PTPN21: variants seen among roughly 807,000 people sequenced by gnomAD.
The protein encoded by PTPN21 is protein tyrosine phosphatase non-receptor type 21.
In PTPN21, 77 loss-of-function variants were observed where a neutral mutation model predicts 131.8. That is an observed-to-expected ratio of 0.58 (90% CI 0.49 to 0.71). PTPN21 has a LOEUF of 0.71. Ranked by LOEUF, PTPN21 falls within the 30% of genes least tolerant of loss-of-function variation. The pLI is 0.00. For synonymous variants in PTPN21, 715 were observed against 621.3 expected, an observed-to-expected ratio of 1.15 and a Z score of -2.24; for missense variants, 1,552 against 1,527.1, an observed-to-expected ratio of 1.02 and a Z score of -0.27.
At chr14:88,493,916 C>T (rs139488318) in intron 10 of PTPN21, among the ~76,000 whole-genome samples, 4 of 152,180 alleles carry the variant, frequency 2.6e-5, no homozygotes, top group Non-Finnish European at 5.9e-5. Flanking sequence ...TCATTAAGGC[C>T]GACAGTGAGC....
At chr14:88,526,644 ATAAAG>A (rs780555313) in intron 2 of PTPN21, among the ~76,000 whole-genome samples, 2 of 151,892 alleles carry the variant, frequency 1.3e-5, no homozygotes, top group Non-Finnish European at 2.9e-5. Context: ...AATATTCATA[ATAAAG>A]TAAATAATTT....
intron 10 of PTPN21, among the ~76,000 whole-genome samples, chr14:88,486,244 G>A (rs540084182): frequency 7.9e-5 from 12 of 152,294 alleles, no homozygotes; most frequent in African/African-American, 2.6e-4. Context: ...TCTCCTATGC[G>A]CTGGGGGAGC....
chr14:88,508,167 T>TA (rs2078125212), intron 3 of PTPN21, 147 bp from the exon 4 acceptor site: 2 of 504,940 alleles, frequency 4.0e-6, no homozygotes, highest in Non-Finnish European at 7.0e-6. Flanking sequence ...TTTTTTTTTT[T>TA]AGATAGGGTC....
At chr14:88,531,555 T>G (rs1008178631) in intron 2 of PTPN21, among the ~76,000 whole-genome samples, 1 of 151,834 alleles carries the variant, frequency 6.6e-6, no homozygotes, top group Non-Finnish European at 1.5e-5. Flanking sequence ...AGACTCCATC[T>G]CAAAAAAACA....
chr14:88,537,931 C>T (rs1395424013), intron 2 of PTPN21, among the ~76,000 whole-genome samples: 1 of 152,136 alleles, frequency 6.6e-6, no homozygotes, highest in East Asian at 1.9e-4. Flanking sequence ...TGTGTATCTA[C>T]ACTTATGTAA....
chr14:88,494,248 G>C (rs554261136), intron 10 of PTPN21, among the ~76,000 whole-genome samples: 1 of 152,090 alleles, frequency 6.6e-6, no homozygotes, highest in African/African-American at 2.4e-5. Context: ...GCATCCCCTA[G>C]GGTGAGGCAC....
At chr14:88,508,893 T>C (rs1281484620) in intron 3 of PTPN21, among the ~76,000 whole-genome samples, 1 of 152,206 alleles carries the variant, frequency 6.6e-6, no homozygotes, top group Non-Finnish European at 1.5e-5. Context: ...ACTTTCAATA[T>C]ATAGGGCATC....
At chr14:88,470,274 C>A in intron 15 of PTPN21, 1 of 550,806 alleles carries the variant, frequency 1.8e-6, no homozygotes, top group East Asian at 3.2e-5. Flanking sequence ...TGTGAATATA[C>A]ATAATATCTA....
intron 1 of PTPN21, chr14:88,551,853 T>A (rs1407128145): frequency 1.3e-5 from 2 of 152,294 alleles, no homozygotes; most frequent in African/African-American, 4.8e-5. Flanking sequence ...TAACAGTTTT[T>A]AACCAGACCT....
rs774651375 is a variant in PTPN21 at position 88,472,441 on chromosome 14, C to T, written c.2674G>A (p.Glu892Lys). ...ERCKILEQRL[E>K]QGMVFTEYER... ...TATTCTGTGAATACCATTCCTTGTT[C>T]TAATCGTTGTTCCAGAATTTTACAC... The change falls in exon 15 of 19, where the codon GAA becomes AAA. Residue 892 changes from glutamate to lysine, a missense_variant. Glu to Lys is a moderately conservative substitution (Grantham distance 56). Around this residue, in one of 4 missense-constraint regions of PTPN21, gnomAD observed 316 missense variants for 378.5 expected, o/e 0.83. Coordinates refer to ENST00000556564, the MANE Select transcript of PTPN21 (RefSeq NM_007039.4). 9 of 1,613,248 alleles carry T rather than the reference C, an allele frequency of 5.6e-6. No individual in the cohort carries two copies. In the Admixed American group the frequency reaches 1.3e-4, roughly 24 times the overall value.
At chr14:88,470,364 A>C in intron 15 of PTPN21, 1 of 301,422 alleles carries the variant, frequency 3.3e-6, no homozygotes, top group Non-Finnish European at 6.2e-6. Context: ...GGTCATTGTG[A>C]GGACTGAGTC....
chr14:88,503,741 A>G (rs957259220), intron 6 of PTPN21: 6 of 150,394 alleles, frequency 4.0e-5, no homozygotes, highest in African/African-American at 1.5e-4. Context: ...CTCGACTTAA[A>G]GAGTATTTTC....
At chr14:88,489,242 G>A (rs997157008) in intron 10 of PTPN21, among the ~76,000 whole-genome samples, 31 of 152,190 alleles carry the variant, frequency 2.0e-4, no homozygotes, top group African/African-American at 7.2e-4. Context: ...AGCTGAGCTT[G>A]TATTTCTAAG....
chr14:88,543,893 T>C (rs868561903), intron 2 of PTPN21, among the ~76,000 whole-genome samples: 3 of 151,858 alleles, frequency 2.0e-5, no homozygotes, highest in Non-Finnish European at 4.4e-5. Context: ...GGAACAACAA[T>C]AAAGACGCCC....
At position 88,492,807 on chromosome 14, in the gene PTPN21, CT is replaced by C. The variant is rs1165807434; in HGVS notation, c.932+3605del. 31 of 217,184 alleles carry C rather than the reference CT, an allele frequency of 1.4e-4. No homozygotes were observed. The Admixed American group carries it at 1.5e-3, about 10-fold the overall frequency. The allele number at this position is 217,184 out of a possible 1,614,324, so 13.5% of individuals were successfully genotyped here. On this transcript the variant is annotated intron_variant, in intron 10 of 18. Transcript: ENST00000556564. Reference sequence around the variant, plus strand: ...AAAGGAGCAAAAGTGCTCTTCTCCCCTGTGACTCCCATCACTGCCACACTCC... The same window carrying C: ...AAAGGAGCAAAAGTGCTCTTCTCCCCGTGACTCCCATCACTGCCACACTCC...
At chr14:88,477,556 C>T (rs1156948332) in intron 13 of PTPN21, among the ~76,000 whole-genome samples, 4 of 147,976 alleles carry the variant, frequency 2.7e-5, no homozygotes, top group Non-Finnish European at 4.5e-5. Flanking sequence ...TAATAGTGTG[C>T]GTTTTTTCCT....
At chr14:88,541,809 A>G (rs1333975088) in intron 2 of PTPN21, among the ~76,000 whole-genome samples, 1 of 152,228 alleles carries the variant, frequency 6.6e-6, no homozygotes, top group African/African-American at 2.4e-5. Flanking sequence ...GAAGGTCTTG[A>G]ATTGTTCACA....
At chr14:88,550,144 C>T in intron 2 of PTPN21, 94 bp downstream of exon 2, 1 of 1,313,210 alleles carries the variant, frequency 7.6e-7, no homozygotes, top group Non-Finnish European at 1.0e-6. Context: ...GAACTCCTGA[C>T]CTCAGGTGAT....
At chr14:88,504,522 T>C in intron 5 of PTPN21, 27 bp from the exon 6 acceptor site, 2 of 1,576,470 alleles carry the variant, frequency 1.3e-6, no homozygotes, top group Non-Finnish European at 1.7e-6. Context: ...GTGGTAAGTA[T>C]GTGACAATTC....
Sources: allele counts gnomAD v4.1 joint callset (sites outside exome capture counted in the v4.1 genomes callset), GRCh38; gene constraint gnomAD v4.1.1; regional missense constraint gnomAD v4.1.1; transcripts MANE v1.5; gene names NCBI Gene and HGNC (gene_info 2026-07-23, HGNC 2026-07-21).